FBN3: variants seen among roughly 807,000 people sequenced by gnomAD.
FBN3 encodes the protein fibrillin-3.
A neutral mutation model predicts 330.1 loss-of-function variants in FBN3; 234 were observed. The observed-to-expected ratio is 0.71, with a 90% CI of 0.64 to 0.79. The LOEUF (loss-of-function observed/expected upper bound fraction) is 0.79. Ranked by LOEUF, FBN3 falls within the 30% of genes least tolerant of loss-of-function variation. FBN3 has a pLI of 0.00. For missense variants in FBN3, 3,606 were observed against 3,886.9 expected (o/e 0.93, Z 1.92); for synonymous variants, 1,458 against 1,517.3 (o/e 0.96, Z 0.91).
intron 27 of FBN3, 63 bp from the exon 28 acceptor site, chr19:8,117,354 CTGGTTTGGGGG>C: frequency 6.7e-7 from 1 of 1,482,736 alleles, no homozygotes; most frequent in Non-Finnish European, 9.1e-7. Context: ...GGGGAGGGGG[CTGGTTTGGGGG>C]TGGGAGCAGA....
intron 18 of FBN3, 80 bp from the exon 19 acceptor site, chr19:8,126,912 G>T (rs1019366766): frequency 2.4e-4 from 361 of 1,483,574 alleles, no homozygotes; most frequent in Non-Finnish European, 3.0e-4. Context: ...TCCCCAAGGG[G>T]CCGCCGCAAC....
chr19:8,118,641 G>C (rs145014613), intron 26 of FBN3, among the ~76,000 whole-genome samples: 2 of 151,738 alleles, frequency 1.3e-5, no homozygotes, highest in African/African-American at 4.8e-5. Context: ...ATGCACAAAC[G>C]CTTGCCCTTG....
intron 8 of FBN3, 117 bp from the exon 9 acceptor site, chr19:8,138,681 T>A: frequency 9.6e-7 from 1 of 1,046,530 alleles, no homozygotes; most frequent in Non-Finnish European, 1.4e-6. Flanking sequence ...GCTCTGTGCC[T>A]CAGTTTCCTC....
At chr19:8,145,761 G>A in intron 5 of FBN3, 82 bp downstream of exon 5, 1 of 1,034,066 alleles carries the variant, frequency 9.7e-7, no homozygotes. Context: ...ACCCTGGGCA[G>A]TGGGCAGGTG....
intron 56 of FBN3, among the ~76,000 whole-genome samples, chr19:8,084,166 G>A (rs2081879695): frequency 6.6e-6 from 1 of 152,132 alleles, no homozygotes; most frequent in African/African-American, 2.4e-5. Context: ...GACACACTCA[G>A]TGAGACGCAC....
intron 10 of FBN3, among the ~76,000 whole-genome samples, chr19:8,137,848 G>C (rs1054818041): frequency 1.3e-5 from 2 of 151,910 alleles, no homozygotes; most frequent in Non-Finnish European, 1.5e-5. Context: ...GGCTGGTCTC[G>C]AACTCCTGGC....
intron 41 of FBN3, 42 bp from the exon 42 acceptor site, chr19:8,097,456 G>T (rs1205919859): frequency 2.6e-6 from 4 of 1,561,568 alleles, no homozygotes; most frequent in Non-Finnish European, 2.6e-6. Context: ...CAGCCCCCTG[G>T]GACTTCCAGC....
chr19:8,148,706 C>T (rs3813771), intron 1 of FBN3: 35,817 of 152,230 alleles, frequency 0.24, 4,486 homozygotes, highest in South Asian at 0.46. Context: ...GGGCGGGGAG[C>T]CCTGCTGTGT....
rs1479258213 is a variant in FBN3, at chr19:8,089,925, C to T, written c.6219G>A (p.Gly2073=). 1.2e-6 allele frequency: 2 copies of T among 1,607,492 alleles called. No individual in the cohort carries two copies. Among genetic ancestry groups the T allele is most frequent in the Admixed American group, 1.7e-5 (1 of 58,418 alleles). Residue 2073 remains glycine, a synonymous_variant, in exon 50 of 64, where the codon GGG becomes GGA. Transcript: ENST00000600128. ...AFQELCPFGH[G]AVPGPDDSRE... The stretch of plus-strand genomic sequence containing the variant: ...GGGAGTCATCCGGGCCTGGGACTGC[C>T]CCGTGGCCAAAGGGGCAGAGCTCCT...
At chr19:8,077,578 G>A (rs1213026004) in intron 59 of FBN3, among the ~76,000 whole-genome samples, 1 of 152,182 alleles carries the variant, frequency 6.6e-6, no homozygotes, top group African/African-American at 2.4e-5. Context: ...GGCAGAGGAT[G>A]CAGTGAGCCA....
rs1303164440 is a variant in FBN3, at chr19:8,129,234, G to C, written c.2170+6C>G. 1 of 1,613,812 alleles carries C rather than the reference G, an allele frequency of 6.2e-7. No homozygotes were observed. The highest frequency in any genetic ancestry group is 8.5e-7 in the Non-Finnish European group (1 of 1,179,936). ...CACACATCCGCCCGCCAGGTGGCAT[G>C]CTCACCTGTGCAGTCCTTGCCTGAG... On this transcript the variant is annotated splice_donor_region_variant and intron_variant, in intron 17 of 63. Coordinates refer to ENST00000600128, the MANE Select transcript of FBN3 (RefSeq NM_032447.5). This position sits in a 1 kb window ranked among gnomAD's most constrained non-coding sequence, Gnocchi z 4.5.
In FBN3 at chr19:8,131,918, G is replaced by A. The variant is rs2083159707; in HGVS notation, c.1715-89C>T. ...ATCTCCCAACATTTCCATCTTCCCAGCCATTCTATTTCTTTCCTTTCCAGT... is the reference window on the plus strand; with the variant it reads ...ATCTCCCAACATTTCCATCTTCCCAACCATTCTATTTCTTTCCTTTCCAGT... On this transcript the variant is annotated intron_variant, in intron 14 of 63. Coordinates refer to ENST00000600128, the MANE Select transcript of FBN3 (RefSeq NM_032447.5). The surrounding 1 kb of genome is among the most constrained non-coding windows in gnomAD (Gnocchi z 4.5). 3 of 1,363,334 alleles carry A rather than the reference G, an allele frequency of 2.2e-6. No individual in the cohort carries two copies. The highest frequency in any genetic ancestry group is 3.0e-5 in the African/African-American group (2 of 67,426). The allele number at this position is 1,363,334 out of a possible 1,614,324, so 84.5% of individuals were successfully genotyped here.
At chr19:8,135,936 G>GGGGGGGGGGGCGCCCCCCCCCCCC in intron 13 of FBN3, 25 bp downstream of exon 13, 3 of 668,772 alleles carry the variant, frequency 4.5e-6, no homozygotes, top group East Asian at 7.9e-5. Context: ...GGAAGCCCCT[G>GGGGGGGGGGGCGCCCCCCCCCCCC]CCCACCCGCC....
Position 8,096,797 on chromosome 19 carries a change from G to A in FBN3, c.5413+84C>T. ...CCCTAATAGTATAGAAAAGGAGAAAGACCTGGACAGAGCCATACCCCATCT... is the reference window on the plus strand; with the variant it reads ...CCCTAATAGTATAGAAAAGGAGAAAAACCTGGACAGAGCCATACCCCATCT... On this transcript the variant is annotated intron_variant, in intron 43 of 63. Transcript: ENST00000600128. The surrounding 1 kb of genome is among the most constrained non-coding windows in gnomAD (Gnocchi z 4.6). 1 of 1,489,240 alleles carries A rather than the reference G, an allele frequency of 6.7e-7. No homozygotes were observed. Among genetic ancestry groups the A allele is most frequent in the South Asian group, 1.2e-5 (1 of 83,986 alleles). The allele number at this position is 1,489,240 out of a possible 1,614,324, so 92.3% of individuals were successfully genotyped here.
At chr19:8,082,391 TC>T (rs2081818077) in intron 57 of FBN3, among the ~76,000 whole-genome samples, 1 of 119,212 alleles carries the variant, frequency 8.4e-6, no homozygotes, top group Non-Finnish European at 1.6e-5. Flanking sequence ...TTCTTTCTTC[TC>T]TTTTTTCTCT....
rs772898404 is a variant in FBN3 at position 8,125,976 on chromosome 19, C to T, written c.2647G>A (p.Gly883Arg). 8.4e-5 allele frequency: 136 copies of T among 1,613,774 alleles called. No homozygotes were observed. The highest frequency in any genetic ancestry group is 1.1e-4 in the Non-Finnish European group (132 of 1,179,992). The change falls in exon 22 of 64, where the codon GGG becomes AGG. Residue 883 changes from glycine to arginine, a missense_variant. Coordinates refer to ENST00000600128, the MANE Select transcript of FBN3 (RefSeq NM_032447.5). ...CESFPGVCPN[G>R]RCVNTAGSFR... ...GACCCAGCAGTGTTGACGCAACGCC[C>T]GTTGGGACAGACTCCCGGGAAGGAC...
At chr19:8,142,548 G>A (rs1405746415) in intron 6 of FBN3, among the ~76,000 whole-genome samples, 1 of 152,094 alleles carries the variant, frequency 6.6e-6, no homozygotes, top group African/African-American at 2.4e-5. Flanking sequence ...ATTTGGGGAA[G>A]GATCTGTTAT....
rs1268363334 is a variant in FBN3 at position 8,131,222 on chromosome 19, G to A, written c.2044+13C>T. 2 of 1,605,112 alleles carry A rather than the reference G, an allele frequency of 1.2e-6. No individual in the cohort carries two copies. Among genetic ancestry groups the A allele is most frequent in the South Asian group, 2.3e-5 (2 of 88,610 alleles). On this transcript the variant is annotated intron_variant, in intron 16 of 63. Transcript: ENST00000600128. This position sits in a 1 kb window ranked among gnomAD's most constrained non-coding sequence, Gnocchi z 4.5. ...AGGCTGGCTGCTGTTTGGAGGGGCT[G>A]GGCTCCACTTACCTCGACCATCCGT...
chr19:8,139,963 AC>A (rs2083375369), intron 8 of FBN3, among the ~76,000 whole-genome samples: 1 of 151,914 alleles, frequency 6.6e-6, no homozygotes, highest in Admixed American at 6.6e-5. Flanking sequence ...CCCCCCAGGT[AC>A]GTGCGTGGGA....
Sources: allele counts gnomAD v4.1 joint callset (sites outside exome capture counted in the v4.1 genomes callset), GRCh38; gene constraint gnomAD v4.1.1; non-coding constraint Gnocchi (gnomAD v3.1); transcripts MANE v1.5; gene names NCBI Gene and HGNC (gene_info 2026-07-23, HGNC 2026-07-21).